BRI3BP: variants seen among roughly 807,000 people sequenced by gnomAD.
The protein encoded by BRI3BP is BRI3-binding protein.
In BRI3BP, 7 loss-of-function variants were observed where a neutral mutation model predicts 15.8. The observed-to-expected ratio is 0.44, with a 90% CI of 0.25 to 0.83. The LOEUF is 0.83. BRI3BP is among the 40% of genes least tolerant of loss of function. The probability of loss-of-function intolerance (pLI) is 0.20; values close to 1 mark genes in which losing one functional copy is unlikely to be tolerated. For missense variants in BRI3BP, 320 were observed against 339.3 expected (o/e 0.94, Z 0.45); for synonymous variants, 192 against 163.5 (o/e 1.17, Z -1.33).
chr12:125,025,392 C>A lies in BRI3BP; in HGVS notation c.718C>A (p.Arg240=), dbSNP rs751734042. ...CAGACTGCTCAACATCCGTCTCAAC[C>A]GGGTGCTCGAGAGCCTGGACCGCTC... ...QVRLLNIRLN[R]VLESLDRSKD... Residue 240 remains arginine (R), a synonymous_variant, in exon 3 of 3, where the codon CGG becomes AGG. Transcript: ENST00000341446. 4 of 1,609,334 alleles carry A rather than the reference C, an allele frequency of 2.5e-6. No individual in the cohort carries two copies. The highest frequency in any genetic ancestry group is 1.7e-4 in the Middle Eastern group (1 of 6,048).
intron 2 of BRI3BP, among the ~76,000 whole-genome samples, chr12:125,020,729 C>A (rs1955291511): frequency 1.3e-5 from 2 of 151,946 alleles, no homozygotes; most frequent in Admixed American, 6.6e-5. Flanking sequence ...TACAAAAAAT[C>A]AAAACATTAG....
the BRI3BP span, among the ~76,000 whole-genome samples, chr12:125,047,822 GA>G: frequency 7.2e-5 from 11 of 151,726 alleles, no homozygotes; most frequent in African/African-American, 2.7e-4. Context: ...TCAGCCTCCC[GA>G]GTAGCTGGGA....
intron 2 of BRI3BP, among the ~76,000 whole-genome samples, chr12:125,013,738 G>T (rs1198281278): frequency 6.6e-6 from 1 of 152,208 alleles, no homozygotes; most frequent in African/African-American, 2.4e-5. Context: ...CCCTGGTTTT[G>T]TGGGCTAGGG....
intron 2 of BRI3BP, among the ~76,000 whole-genome samples, chr12:125,014,170 CAG>C (rs1169260302): frequency 6.6e-6 from 1 of 152,130 alleles, no homozygotes; most frequent in Non-Finnish European, 1.5e-5. Flanking sequence ...GCCAGGTAAA[CAG>C]GGATCTCCTA....
chr12:125,036,508 G>A, the BRI3BP span, among the ~76,000 whole-genome samples: 1 of 151,956 alleles, frequency 6.6e-6, no homozygotes, highest in African/African-American at 2.4e-5. Flanking sequence ...GATAATGCTA[G>A]GTTTAGCTCC....
At chr12:125,032,631 A>C (rs1348878769), downstream of BRI3BP, among the ~76,000 whole-genome samples, 1 of 151,616 alleles carries the variant, frequency 6.6e-6, no homozygotes, top group Non-Finnish European at 1.5e-5. Context: ...AGTTGGGTGC[A>C]GTGGCGCCTG....
downstream of BRI3BP, among the ~76,000 whole-genome samples, chr12:125,034,678 C>T (rs904825276): frequency 6.6e-6 from 1 of 152,004 alleles, no homozygotes. Context: ...CAACCTCTGC[C>T]TCCCAGTTTC....
rs966632007 is a variant in BRI3BP at position 125,025,691 on chromosome 12, T to C, written c.*261T>C. 7 of 438,552 alleles carry C rather than the reference T, an allele frequency of 1.6e-5. No individual in the cohort carries two copies. The East Asian group carries it at 2.6e-4, about 16-fold the overall frequency. The allele number at this position is 438,552 out of a possible 1,614,324, so 27.2% of individuals were successfully genotyped here. A position where few individuals can be genotyped will look rare whatever the true frequency, so the allele number is the denominator to read the frequency against. On this transcript the variant is annotated 3_prime_UTR_variant, in exon 3 of 3. Coordinates refer to ENST00000341446, the MANE Select transcript of BRI3BP (RefSeq NM_080626.6). ...TTTTAAACAAAGGATATAACCATATTTAGTTGTACAGTAAGAGAAATTTAT... is the reference window on the plus strand; with the variant it reads ...TTTTAAACAAAGGATATAACCATATCTAGTTGTACAGTAAGAGAAATTTAT...
At chr12:125,011,091 C>CT (rs1443479543) in intron 1 of BRI3BP, among the ~76,000 whole-genome samples, 1 of 95,386 alleles carries the variant, frequency 1.0e-5, no homozygotes, top group African/African-American at 4.0e-5. Flanking sequence ...GAGACCCTGT[C>CT]TTAAAAAAAA....
At chr12:124,994,271 GTC>G (rs1955022024) in intron 1 of BRI3BP, among the ~76,000 whole-genome samples, 1 of 152,174 alleles carries the variant, frequency 6.6e-6, no homozygotes, top group South Asian at 2.1e-4. Flanking sequence ...CGCAGCCAGA[GTC>G]TCTCCCGGCT....
chr12:124,998,528 C>T (rs1955058478), intron 1 of BRI3BP, among the ~76,000 whole-genome samples: 1 of 151,966 alleles, frequency 6.6e-6, no homozygotes, highest in South Asian at 2.1e-4. Context: ...TATATGATTC[C>T]ATTTACAGCA....
Position 124,993,927 on chromosome 12 carries a change from A to C in BRI3BP, c.137A>C (p.Tyr46Ser). 1 of 1,337,292 alleles carries C rather than the reference A, an allele frequency of 7.5e-7. No individual in the cohort carries two copies. The allele number at this position is 1,337,292 out of a possible 1,614,324, so 82.8% of individuals were successfully genotyped here. The change falls in exon 1 of 3, where the codon TAC becomes TCC. Residue 46 changes from tyrosine to serine, a missense_variant. Tyr to Ser is a moderately radical substitution (Grantham distance 144). Coordinates refer to ENST00000341446, the MANE Select transcript of BRI3BP (RefSeq NM_080626.6). ...RGRGGAEKNS[Y>S]RRTVNTFSQS... ...CGCGGCGGCGCGGAGAAGAACAGCT[A>C]CCGCCGCACGGTCAACACCTTCTCC... is the stretch of plus-strand genomic sequence containing the variant.
At chr12:124,996,248 A>T (rs901586884) in intron 1 of BRI3BP, among the ~76,000 whole-genome samples, 2 of 151,230 alleles carry the variant, frequency 1.3e-5, no homozygotes, top group Non-Finnish European at 2.9e-5. Flanking sequence ...TGTAGCCCAC[A>T]CTGGCCAGGC....
In BRI3BP at chr12:125,030,799, CTCT is replaced by C. The variant is rs887557498; in HGVS notation, c.*5374_*5376del. 4 of 152,308 alleles carry C rather than the reference CTCT, an allele frequency of 2.6e-5. No individual in the cohort carries two copies. Among genetic ancestry groups the C allele is most frequent in the East Asian group, 1.9e-4 (1 of 5,188 alleles). The allele number at this position is 152,308 out of a possible 1,614,324, so 9.4% of individuals were successfully genotyped here. On this transcript the variant is annotated 3_prime_UTR_variant, in exon 3 of 3. Transcript: ENST00000341446. ...AAAACCCAATGAAGCAATTGTCTCC[CTCT>C]TCTTAACTGGAAATCACACTTGTGA...
intron 1 of BRI3BP, among the ~76,000 whole-genome samples, chr12:125,009,629 G>A (rs796274740): frequency 7.5e-6 from 1 of 132,956 alleles, no homozygotes; most frequent in South Asian, 2.4e-4. Context: ...TGGGGGGGGG[G>A]TCTCATTTTG....
In BRI3BP at chr12:124,993,690, C is replaced by A; in HGVS notation, c.-101C>A. 1.6e-6 allele frequency: 1 copy of A among 642,688 alleles called. No homozygotes were observed. Among genetic ancestry groups the A allele is most frequent in the Non-Finnish European group, 1.9e-6 (1 of 519,030 alleles). 39.8% of individuals were successfully genotyped at this position (642,688 alleles called of 1,614,324 possible). On this transcript the variant is annotated 5_prime_UTR_variant, in exon 1 of 3. Transcript: ENST00000341446. ...GGCGGCTGTGGGTAAAGGCGCGGCG[C>A]GCGGCCCCCGAGCGCGCCAACCTTG...
At chr12:124,995,755 A>G (rs1955035483) in intron 1 of BRI3BP, among the ~76,000 whole-genome samples, 1 of 152,200 alleles carries the variant, frequency 6.6e-6, no homozygotes, top group Non-Finnish European at 1.5e-5. Flanking sequence ...AGAGCAGTGA[A>G]GTGGCTGGTT....
At chr12:125,006,359 A>C (rs951070870) in intron 1 of BRI3BP, among the ~76,000 whole-genome samples, 8 of 152,168 alleles carry the variant, frequency 5.3e-5, no homozygotes, top group Non-Finnish European at 1.2e-4. Flanking sequence ...GTTCAACGGC[A>C]AGAGATGGGA....
At chr12:125,015,330 C>A (rs781309935) in intron 2 of BRI3BP, among the ~76,000 whole-genome samples, 1 of 151,872 alleles carries the variant, frequency 6.6e-6, no homozygotes, top group Non-Finnish European at 1.5e-5. Flanking sequence ...AGGGAGAAGA[C>A]GGCCATGCGA....
Sources: allele counts gnomAD v4.1 joint callset (sites outside exome capture counted in the v4.1 genomes callset), GRCh38; gene constraint gnomAD v4.1.1; transcripts MANE v1.5; gene names NCBI Gene and HGNC (gene_info 2026-07-23, HGNC 2026-07-21).